TDP1: variants seen among roughly 807,000 people sequenced by gnomAD.
The protein encoded by TDP1 is tyrosyl-DNA phosphodiesterase 1.
In TDP1, 64 loss-of-function variants were observed where a neutral mutation model predicts 81.5. The observed-to-expected ratio is 0.79, with a 90% CI of 0.64 to 0.97. The LOEUF (loss-of-function observed/expected upper bound fraction) is 0.97, where lower values mean the gene tolerates loss of function less well. Ranked by LOEUF, TDP1 falls within the 50% of genes least tolerant of loss-of-function variation. The pLI is 0.00. For synonymous variants in TDP1, 256 were observed against 264.3 expected (o/e 0.97, Z 0.30); for missense variants, 723 against 743.8 (o/e 0.97, Z 0.33).
chr14:90,006,927 C>T (rs983833849), intron 14 of TDP1, among the ~76,000 whole-genome samples: 6 of 152,168 alleles, frequency 3.9e-5, no homozygotes, highest in Non-Finnish European at 8.8e-5. Context: ...TCAAAACTCT[C>T]TATCTGCCTT....
At chr14:89,971,480 G>A (rs960329456) in intron 6 of TDP1, among the ~76,000 whole-genome samples, 2 of 152,034 alleles carry the variant, frequency 1.3e-5, no homozygotes, top group Non-Finnish European at 1.5e-5. Flanking sequence ...TCTTTTTGTG[G>A]GCCTGAAGTC....
chr14:90,012,481 C>T (rs934117588), intron 14 of TDP1, among the ~76,000 whole-genome samples: 1 of 151,664 alleles, frequency 6.6e-6, no homozygotes, highest in African/African-American at 2.4e-5. Flanking sequence ...CCATGAGGGC[C>T]TCGTCCCTGG....
intron 15 of TDP1, among the ~76,000 whole-genome samples, chr14:90,024,522 CGAACAATGTGA>C (rs953518032): frequency 1.3e-5 from 2 of 152,100 alleles, no homozygotes; most frequent in Admixed American, 6.5e-5. Flanking sequence ...TGATCCATAC[CGAACAATGTGA>C]GAAGTGTGTG....
At position 89,963,648 on chromosome 14, in the gene TDP1, T is replaced by G. The variant is rs773803089; in HGVS notation, c.534T>G (p.Tyr178Ter). Residue 178 changes from tyrosine to a stop codon, truncating the protein, a stop_gained, in exon 3 of 17, where the codon TAT becomes TAG. Transcript: ENST00000335725. LOFTEE classifies it high-confidence loss of function. Reference protein sequence around the residue: ...LTRVSGVKPKYNSGALHIKDI... With the variant: ...LTRVSGVKPK ...GAGTCTCTGGAGTTAAGCCAAAGTATAACTCTGGAGCCCTCCACATCAAGG... is the reference window on the plus strand; with the variant it reads ...GAGTCTCTGGAGTTAAGCCAAAGTAGAACTCTGGAGCCCTCCACATCAAGG... 3.1e-6 allele frequency: 5 copies of G among 1,613,946 alleles called. No individual in the cohort carries two copies. Among genetic ancestry groups the G allele is most frequent in the Non-Finnish European group, 4.2e-6 (5 of 1,179,958 alleles).
chr14:89,984,610 T>C lies in TDP1; in HGVS notation c.979T>C (p.Leu327=). The part of the protein sequence containing the change: ...THFKADLISY[L]MAYNAPSLKE... ...TTTTAAAGCTGATCTCATCAGTTAC[T>C]TGATGGCTTATAATGCCCCTTCTCT... Residue 327 remains leucine (L), a synonymous_variant, in exon 9 of 17, where the codon TTG becomes CTG. Coordinates refer to ENST00000335725, the MANE Select transcript of TDP1 (RefSeq NM_018319.4). 1 of 1,614,170 alleles carries C rather than the reference T, an allele frequency of 6.2e-7. No individual in the cohort carries two copies. The highest frequency in any genetic ancestry group is 1.3e-5 in the African/African-American group (1 of 75,066).
intron 14 of TDP1, among the ~76,000 whole-genome samples, chr14:90,013,839 C>T (rs917467493): frequency 2.0e-5 from 3 of 152,172 alleles, no homozygotes; most frequent in African/African-American, 7.2e-5. Flanking sequence ...GAGGAAACCT[C>T]TTTTACTTGG....
intron 14 of TDP1, among the ~76,000 whole-genome samples, chr14:90,008,426 T>C (rs1412551548): frequency 6.6e-6 from 1 of 152,192 alleles, no homozygotes; most frequent in Non-Finnish European, 1.5e-5. Context: ...ATACCATATG[T>C]TTCATGGTTT....
At chr14:89,996,948 G>A (rs1801887623) in intron 14 of TDP1, among the ~76,000 whole-genome samples, 1 of 152,202 alleles carries the variant, frequency 6.6e-6, no homozygotes, top group Non-Finnish European at 1.5e-5. Context: ...CAGCAAATAT[G>A]TATTGCCCGC....
intron 13 of TDP1, 134 bp from the exon 14 acceptor site, chr14:89,993,242 T>G: frequency 7.7e-7 from 1 of 1,291,790 alleles, no homozygotes; most frequent in Non-Finnish European, 1.0e-6. Flanking sequence ...TCATAAAATC[T>G]CACAGGTCAC....
chr14:90,007,366 A>G (rs1248149743), intron 14 of TDP1, among the ~76,000 whole-genome samples: 1 of 152,160 alleles, frequency 6.6e-6, no homozygotes, highest in Non-Finnish European at 1.5e-5. Flanking sequence ...AGGCCGGTGG[A>G]TCAGTTGAGA....
chr14:90,027,821 G>A (rs1439780532), intron 15 of TDP1, among the ~76,000 whole-genome samples: 3 of 152,168 alleles, frequency 2.0e-5, no homozygotes, highest in Non-Finnish European at 2.9e-5. Context: ...GAGATCAAGA[G>A]TTATAACCCA....
chr14:89,997,677 G>A (rs762854754), intron 14 of TDP1, among the ~76,000 whole-genome samples: 2 of 152,128 alleles, frequency 1.3e-5, no homozygotes, highest in Non-Finnish European at 2.9e-5. Flanking sequence ...ATACATATCA[G>A]GTGGGCTTTT....
In TDP1 at chr14:90,022,846, T is replaced by C. The variant is rs1303626964; in HGVS notation, c.1644+3428T>C. The C allele has an allele frequency of 7.7e-6, 6 of 778,484 alleles. No individual in the cohort carries two copies. In the African/African-American group the frequency reaches 9.5e-5, roughly 12 times the overall value. The allele number at this position is 778,484 out of a possible 1,614,324, so 48.2% of individuals were successfully genotyped here. On this transcript the variant is annotated intron_variant, in intron 15 of 16. Transcript: ENST00000335725. Reference sequence around the variant, plus strand: ...GCCATGAGGTAGTTTGTCGTTTCGCTGAGTTTATACGTGCACAGGAGTGAG... The same window carrying C: ...GCCATGAGGTAGTTTGTCGTTTCGCCGAGTTTATACGTGCACAGGAGTGAG...
intron 7 of TDP1, among the ~76,000 whole-genome samples, chr14:89,976,612 C>G (rs968541748): frequency 1.4e-5 from 2 of 145,170 alleles, no homozygotes; most frequent in Admixed American, 7.0e-5. Context: ...TCTTGGCTCA[C>G]TGCAACCTCC....
At chr14:90,022,824 A>T in intron 15 of TDP1, 3 of 947,318 alleles carry the variant, frequency 3.2e-6, no homozygotes, top group Non-Finnish European at 2.5e-6. Context: ...GATTTGTGCC[A>T]TGAGGTAGTT....
intron 1 of TDP1, 123 bp from the exon 2 acceptor site, chr14:89,956,455 A>G (rs1266097087): frequency 6.6e-6 from 1 of 152,368 alleles, no homozygotes; most frequent in Non-Finnish European, 1.5e-5. Context: ...GCCGGCCCCA[A>G]ATGAGCACGC....
chr14:90,016,722 A>AAT (rs1885355677), intron 14 of TDP1, among the ~76,000 whole-genome samples: 1 of 150,782 alleles, frequency 6.6e-6, no homozygotes, highest in South Asian at 2.1e-4. Context: ...TCCTTTAAGA[A>AAT]ATACACACAC....
At chr14:90,035,085 A>G (rs1404660240) in intron 16 of TDP1, among the ~76,000 whole-genome samples, 1 of 132,416 alleles carries the variant, frequency 7.6e-6, no homozygotes, top group Non-Finnish European at 1.6e-5. Context: ...CCCGCTAACC[A>G]TTCTCAGCTT....
Position 90,022,902 on chromosome 14 carries a change from A to G in TDP1, c.1644+3484A>G, listed in dbSNP as rs564380148. The G allele has an allele frequency of 3.9e-5, 31 of 798,598 alleles. No homozygotes were observed. The East Asian group carries it at 7.3e-4, about 19-fold the overall frequency. The allele number at this position is 798,598 out of a possible 1,614,324, so 49.5% of individuals were successfully genotyped here. Reference sequence around the variant, plus strand: ...TAACTTGTGAAGGAGAGGCTGTCCAACGGAACAGCCCGACGGTTCCCTCCT... The same window carrying G: ...TAACTTGTGAAGGAGAGGCTGTCCAGCGGAACAGCCCGACGGTTCCCTCCT... On this transcript the variant is annotated intron_variant, in intron 15 of 16. Coordinates refer to ENST00000335725, the MANE Select transcript of TDP1 (RefSeq NM_018319.4).
Sources: allele counts gnomAD v4.1 joint callset (sites outside exome capture counted in the v4.1 genomes callset), GRCh38; gene constraint gnomAD v4.1.1; transcripts MANE v1.5; gene names NCBI Gene and HGNC (gene_info 2026-07-23, HGNC 2026-07-21).